SOX5: variants seen among roughly 807,000 people sequenced by gnomAD.
The protein encoded by SOX5 is SRY-box transcription factor 5, also known as transcription factor SOX-5.
A neutral mutation model predicts 92.0 loss-of-function variants in SOX5; 9 were observed. The ratio of observed to expected loss-of-function variants is 0.10; its 90% CI spans 0.06 to 0.17. The LOEUF (loss-of-function observed/expected upper bound fraction) is 0.17, where lower values mean the gene tolerates loss of function less well. SOX5 is among the 10% of genes least tolerant of loss of function. The probability of loss-of-function intolerance (pLI) is 1.00; values close to 1 mark genes in which losing one functional copy is unlikely to be tolerated. For missense variants in SOX5, 642 were observed against 944.5 expected (o/e 0.68, Z 4.20); for synonymous variants, 344 against 336.3 (o/e 1.02, Z -0.25).
At chr12:24,446,483 T>C (rs976467934) in intron 1 of SOX5, among the ~76,000 whole-genome samples, 3 of 152,116 alleles carry the variant, frequency 2.0e-5, no homozygotes, top group Non-Finnish European at 2.9e-5. Context: ...ATGGCTAAAA[T>C]ACACTGAGGG....
chr12:24,202,511 T>C (rs1338547897), intron 4 of SOX5, among the ~76,000 whole-genome samples: 1 of 152,212 alleles, frequency 6.6e-6, no homozygotes, highest in Admixed American at 6.5e-5. Flanking sequence ...TTTGATGATC[T>C]ATGGCCCTCA....
At chr12:24,067,337 A>G (rs1940917276) in intron 4 of SOX5, among the ~76,000 whole-genome samples, 1 of 152,230 alleles carries the variant, frequency 6.6e-6, no homozygotes, top group Non-Finnish European at 1.5e-5. Flanking sequence ...AATATAGTCA[A>G]AACAACCATG....
At chr12:24,319,423 C>G (rs568322600) in intron 2 of SOX5, among the ~76,000 whole-genome samples, 4 of 152,252 alleles carry the variant, frequency 2.6e-5, no homozygotes, top group African/African-American at 9.6e-5. Flanking sequence ...TTTTTCGAAG[C>G]CAGAAAGCTG....
In SOX5 at chr12:24,532,723, G is replaced by A. The variant is rs575799326; in HGVS notation, c.-251+29606C>T. 5.9e-5 allele frequency among the ~76,000 whole-genome samples: 9 copies of A among 152,288 alleles called. No homozygotes were observed. In the East Asian group the frequency reaches 1.7e-3, roughly 29 times the overall value. ...GTCATTAGCAATAAAAAGACTAATG[G>A]CCCTTCAGACTAAAACTACCATTTT... On this transcript the variant is annotated intron_variant, in intron 1 of 4. Coordinates refer to the SOX5 transcript ENST00000446891.
At chr12:23,997,563 G>A (rs1300574014) in intron 4 of SOX5, among the ~76,000 whole-genome samples, 2 of 152,170 alleles carry the variant, frequency 1.3e-5, no homozygotes, top group African/African-American at 2.4e-5. Context: ...GCATAAGATC[G>A]TGGAGAGATT....
At chr12:24,004,080 G>A (rs1213471943) in intron 4 of SOX5, among the ~76,000 whole-genome samples, 4 of 151,960 alleles carry the variant, frequency 2.6e-5, no homozygotes, top group Admixed American at 2.0e-4. Context: ...AAGTTGTGCT[G>A]CAACAATTAG....
chr12:23,994,100 G>A (rs1950822721), intron 4 of SOX5, among the ~76,000 whole-genome samples: 1 of 151,830 alleles, frequency 6.6e-6, no homozygotes, highest in Admixed American at 6.6e-5. Context: ...TCCAGCCTGG[G>A]CAACAGAGCA....
At chr12:24,208,874 G>A (rs2139644280) in intron 4 of SOX5, among the ~76,000 whole-genome samples, 1 of 152,258 alleles carries the variant, frequency 6.6e-6, no homozygotes, top group South Asian at 2.1e-4. Flanking sequence ...AACTGAGGAT[G>A]AAATAAGACA....
chr12:23,678,835 A>G lies in SOX5; in HGVS notation c.811-13271T>C, dbSNP rs148249653. 6.8e-3 allele frequency among the ~76,000 whole-genome samples: 1,032 copies of G among 152,274 alleles called. 5 individuals carry two copies. The highest frequency in any genetic ancestry group is 0.021 in the South Asian group (100 of 4,824). On this transcript the variant is annotated intron_variant, in intron 6 of 14. Transcript: ENST00000451604. ...CCTACAAACTAGGCTTTTAATCACT[A>G]TACTTTGACTCAAGCAAAGGATAAA...
chr12:24,281,391 A>T (rs1178380202), intron 2 of SOX5, among the ~76,000 whole-genome samples: 2 of 152,204 alleles, frequency 1.3e-5, no homozygotes, highest in South Asian at 2.1e-4. Flanking sequence ...TTTCCCAGCA[A>T]TGTCCCTCAA....
rs563054814 is a variant in SOX5 at position 23,923,113 on chromosome 12, T to C, written c.38+26451A>G. 1.6e-3 allele frequency among the ~76,000 whole-genome samples: 241 copies of C among 152,126 alleles called. 2 individuals are homozygous for C. Among genetic ancestry groups the C allele is most frequent in the African/African-American group, 5.3e-3 (222 of 41,526 alleles). On this transcript the variant is annotated intron_variant, in intron 1 of 14. Coordinates refer to ENST00000451604, the MANE Select transcript of SOX5 (RefSeq NM_006940.6). ...GGCGCCCGCCACAACGCCCGGCTAA[T>C]TTTTTGTATTTTTACTAGAGACGAG...
At chr12:23,932,712 T>C (rs559277823) in intron 1 of SOX5, among the ~76,000 whole-genome samples, 1 of 151,738 alleles carries the variant, frequency 6.6e-6, no homozygotes, top group South Asian at 2.1e-4. Flanking sequence ...AAGGTTTCTG[T>C]ATCTGATTAA....
chr12:23,931,479 AC>A (rs1319115789), intron 1 of SOX5, among the ~76,000 whole-genome samples: 2 of 151,744 alleles, frequency 1.3e-5, no homozygotes, highest in Non-Finnish European at 2.9e-5. Flanking sequence ...CAAATTGATA[AC>A]TCTTCTGTTT....
chr12:24,134,202 T>A (rs918926125), intron 4 of SOX5, among the ~76,000 whole-genome samples: 1 of 152,056 alleles, frequency 6.6e-6, no homozygotes, highest in African/African-American at 2.4e-5. Flanking sequence ...AAGACAAAAA[T>A]AATAAATTTT....
At chr12:24,051,877 C>T (rs1957593095) in intron 4 of SOX5, among the ~76,000 whole-genome samples, 1 of 152,212 alleles carries the variant, frequency 6.6e-6, no homozygotes, top group Non-Finnish European at 1.5e-5. Flanking sequence ...CACTGTTCAA[C>T]TCATTGCAAA....
Position 24,012,578 on chromosome 12 carries a change from A to C in SOX5, c.-1-116554T>G, listed in dbSNP as rs974002489. Reference sequence around the variant, plus strand: ...TCATCCTCATAACTCCATGATTACAAAACTGTAGCCTACAAATCTAGGCTT... The same window carrying C: ...TCATCCTCATAACTCCATGATTACACAACTGTAGCCTACAAATCTAGGCTT... On this transcript the variant is annotated intron_variant, in intron 4 of 4. Coordinates refer to the SOX5 transcript ENST00000446891. 2.0e-5 allele frequency among the ~76,000 whole-genome samples: 3 copies of C among 152,174 alleles called. No homozygotes were observed. The South Asian group carries it at 6.2e-4, about 32-fold the overall frequency.
At chr12:23,852,742 G>A (rs898005905) in intron 2 of SOX5, among the ~76,000 whole-genome samples, 4 of 152,064 alleles carry the variant, frequency 2.6e-5, no homozygotes, top group Admixed American at 1.3e-4. Flanking sequence ...AACATGATTC[G>A]CAAACGGTGG....
rs1186312154 is a variant in SOX5 at position 23,915,628 on chromosome 12, C to T, written c.39-19604G>A. Among the ~76,000 whole-genome samples, 2 of 151,748 alleles carry T rather than the reference C, an allele frequency of 1.3e-5. 1 individual carries two copies. Among genetic ancestry groups the T allele is most frequent in the African/African-American group, 4.8e-5 (2 of 41,312 alleles). ...TAATAGTCTTCCTACTACCAACATA[C>T]CAAAACCCCATCCCATTACTAGGAA... is the stretch of plus-strand genomic sequence containing the variant. On this transcript the variant is annotated intron_variant, in intron 1 of 14. Coordinates refer to ENST00000451604, the MANE Select transcript of SOX5 (RefSeq NM_006940.6).
chr12:23,643,388 A>C (rs1233912896), intron 7 of SOX5, among the ~76,000 whole-genome samples: 1 of 152,190 alleles, frequency 6.6e-6, no homozygotes, highest in Non-Finnish European at 1.5e-5. Context: ...AGATATTTTA[A>C]GTTTGAAATT....
Sources: allele counts gnomAD v4.1 joint callset (sites outside exome capture counted in the v4.1 genomes callset), GRCh38; gene constraint gnomAD v4.1.1; transcripts MANE v1.5; gene names NCBI Gene and HGNC (gene_info 2026-07-23, HGNC 2026-07-21).